Variants in WDFY4 observed in about 807,000 individuals in gnomAD.
WDFY4 encodes the protein WD repeat- and FYVE domain-containing protein 4.
WDFY4 carries 169 observed loss-of-function variants against 351.9 expected under a neutral mutation model. The observed-to-expected ratio is 0.48, with a 90% CI of 0.42 to 0.55. WDFY4 has a LOEUF of 0.55. Ranked by LOEUF, WDFY4 falls within the 20% of genes least tolerant of loss-of-function variation. The pLI is 0.00. For missense variants in WDFY4, 3,803 were observed against 3,935.6 expected (o/e 0.97, Z 0.90); for synonymous variants, 1,622 against 1,574.6 (o/e 1.03, Z -0.71).
At chr10:48,912,158 T>C (rs1838064600) in intron 47 of WDFY4, among the ~76,000 whole-genome samples, 1 of 152,226 alleles carries the variant, frequency 6.6e-6, no homozygotes, top group Non-Finnish European at 1.5e-5. Flanking sequence ...TTCTCAGCTA[T>C]TGTGAGGATT....
Position 48,822,360 on chromosome 10 carries a change from C to A in WDFY4, c.5825-20C>A. 6.6e-7 allele frequency: 1 copy of A among 1,522,854 alleles called. No individual in the cohort carries two copies. Among genetic ancestry groups the A allele is most frequent in the Non-Finnish European group, 8.8e-7 (1 of 1,131,894 alleles). 94.3% of individuals were successfully genotyped at this position (1,522,854 alleles called of 1,614,324 possible). A position where few individuals can be genotyped will look rare whatever the true frequency, so the allele number is the denominator to read the frequency against. Reference sequence around the variant, plus strand: ...AAGTCCATTTAGACTCTCACCTCCACCTGTCCCCTCACTCCACAGACGGCA... The same window carrying A: ...AAGTCCATTTAGACTCTCACCTCCAACTGTCCCCTCACTCCACAGACGGCA... On this transcript the variant is annotated intron_variant, in intron 34 of 61. Transcript: ENST00000325239.
chr10:48,873,571 G>A lies in WDFY4; in HGVS notation c.6822G>A (p.Trp2274Ter). The change falls in exon 41 of 62, where the codon TGG becomes TGA. Residue 2274 changes from tryptophan (W) to a stop codon, truncating the protein, a stop_gained. Transcript: ENST00000325239. LOFTEE classifies it high-confidence loss of function. ...QEQLFGELGL[W>*]SQGEETKPCS... The stretch of plus-strand genomic sequence containing the variant: ...AGCTTTTTGGGGAGCTGGGCTTGTG[G>A]AGCCAGGGGGAAGAAACCAAGCCCT... The A allele has an allele frequency of 2.6e-6, 4 of 1,551,768 alleles. No homozygotes were observed. The highest frequency in any genetic ancestry group is 3.5e-6 in the Non-Finnish European group (4 of 1,147,004).
At chr10:48,783,948 C>T (rs1249828894) in intron 19 of WDFY4, among the ~76,000 whole-genome samples, 1 of 152,218 alleles carries the variant, frequency 6.6e-6, no homozygotes, top group Admixed American at 6.5e-5. Context: ...TGACTTGGAA[C>T]ATTGTAATGT....
chr10:48,893,185 C>T (rs1836900403), intron 44 of WDFY4, among the ~76,000 whole-genome samples: 1 of 152,214 alleles, frequency 6.6e-6, no homozygotes, highest in African/African-American at 2.4e-5. Flanking sequence ...CATCTTGTCC[C>T]TGTATCTTCA....
chr10:48,703,703 C>G (rs1210906209), intron 1 of WDFY4, among the ~76,000 whole-genome samples: 1 of 152,154 alleles, frequency 6.6e-6, no homozygotes, highest in African/African-American at 2.4e-5. Context: ...GCAAATCACT[C>G]AATAGAAAGT....
chr10:48,901,904 C>T (rs1485472806), intron 47 of WDFY4, 41 bp downstream of exon 47: 5 of 1,534,332 alleles, frequency 3.3e-6, no homozygotes, highest in South Asian at 1.2e-5. Context: ...TGGCACTGCC[C>T]TGGCTTTGAT....
intron 2 of WDFY4, among the ~76,000 whole-genome samples, chr10:48,715,381 C>A (rs1366006909): frequency 6.6e-6 from 1 of 152,208 alleles, no homozygotes; most frequent in Non-Finnish European, 1.5e-5. Context: ...GGAATACATC[C>A]ATTTCCTAGT....
intron 1 of WDFY4, among the ~76,000 whole-genome samples, chr10:48,685,488 G>A (rs1234573199): frequency 1.3e-5 from 2 of 152,318 alleles, no homozygotes; most frequent in Admixed American, 6.5e-5. Flanking sequence ...GGGCCTCAGA[G>A]GGAGCTGGTC....
At chr10:48,751,367 A>C (rs1565159129) in intron 12 of WDFY4, among the ~76,000 whole-genome samples, 2 of 152,190 alleles carry the variant, frequency 1.3e-5, no homozygotes, top group Non-Finnish European at 2.9e-5. Flanking sequence ...CATTGCTCGG[A>C]CTTTAAGCTG....
chr10:48,966,424 TG>T, intron 54 of WDFY4, 101 bp from the exon 55 acceptor site: 1 of 1,320,196 alleles, frequency 7.6e-7, no homozygotes, highest in Non-Finnish European at 1.0e-6. Flanking sequence ...CAAGCCGAGC[TG>T]TGGCAACCCC....
chr10:48,699,864 C>T, intron 1 of WDFY4, among the ~76,000 whole-genome samples: 1 of 152,116 alleles, frequency 6.6e-6, no homozygotes, highest in East Asian at 1.9e-4. Context: ...TCCAAAGTCC[C>T]TCTCCAAGGC....
chr10:48,704,644 G>A, intron 1 of WDFY4, among the ~76,000 whole-genome samples: 1 of 152,310 alleles, frequency 6.6e-6, no homozygotes, highest in East Asian at 1.9e-4. Flanking sequence ...TCAGCCCCAA[G>A]CAGCCACAGT....
intron 23 of WDFY4, among the ~76,000 whole-genome samples, chr10:48,793,700 C>T (rs2066758279): frequency 6.6e-6 from 1 of 152,120 alleles, no homozygotes; most frequent in South Asian, 2.1e-4. Context: ...TATTGCTGTA[C>T]CCTAAGAACA....
At chr10:48,911,200 A>G (rs1388668645) in intron 47 of WDFY4, among the ~76,000 whole-genome samples, 2 of 152,092 alleles carry the variant, frequency 1.3e-5, no homozygotes, top group Non-Finnish European at 2.9e-5. Context: ...AGACACGGTC[A>G]CTCCCCTCAG....
chr10:48,703,066 A>G (rs1231661074), intron 1 of WDFY4, among the ~76,000 whole-genome samples: 1 of 151,988 alleles, frequency 6.6e-6, no homozygotes, highest in East Asian at 1.9e-4. Context: ...TCCTCTTTTT[A>G]ATTTGGTTTT....
At chr10:48,857,748 A>G (rs2069186501) in intron 39 of WDFY4, among the ~76,000 whole-genome samples, 1 of 151,882 alleles carries the variant, frequency 6.6e-6, no homozygotes, top group African/African-American at 2.4e-5. Flanking sequence ...GTTTATTCAC[A>G]TCTTTTGTAC....
intron 6 of WDFY4, 71 bp downstream of exon 6, chr10:48,726,141 G>T: frequency 6.8e-7 from 1 of 1,465,940 alleles, no homozygotes; most frequent in South Asian, 1.3e-5. Flanking sequence ...AGCAAAGGCT[G>T]AGGGCCCACT....
chr10:48,905,444 C>T (rs1412230226), intron 47 of WDFY4, among the ~76,000 whole-genome samples: 1 of 152,230 alleles, frequency 6.6e-6, no homozygotes, highest in Non-Finnish European at 1.5e-5. Context: ...CTGTGTACCA[C>T]CTTGCTTCTG....
At position 48,788,635 on chromosome 10, in the gene WDFY4, A is replaced by G. The variant is rs369772164; in HGVS notation, c.3914A>G (p.Asn1305Ser). 3.9e-6 allele frequency: 6 copies of G among 1,551,666 alleles called. No individual in the cohort carries two copies. In the African/African-American group the frequency reaches 5.5e-5, roughly 14 times the overall value. Residue 1305 changes from asparagine (N) to serine (S), a missense_variant, in exon 21 of 62, where the codon AAT (asparagine) becomes AGT (serine). Around this residue, in one of 3 missense-constraint regions of WDFY4, gnomAD observed 3,054 missense variants for 3,148.6 expected, o/e 0.97. Transcript: ENST00000325239. ...ATCACCAGTGTAGCGGACATCAGAA[A>G]TGCTTACAATGAGGTGGACAGCCGC... ...SSITSVADIRNAYNEVDSRLI... is the reference protein window; with the variant it reads ...SSITSVADIRSAYNEVDSRLI...
Sources: gnomAD v4.1 joint callset for allele counts (sites outside exome capture counted in the v4.1 genomes callset) on GRCh38, gnomAD v4.1.1 for gene constraint, gnomAD v4.1.1 regional missense constraint, MANE v1.5 for transcripts, NCBI Gene and HGNC (gene_info 2026-07-23, HGNC 2026-07-21) for gene names.